The following RHBDD1 variants were observed in gnomAD, a reference collection of about 807,000 sequenced individuals.
RHBDD1 encodes rhomboid domain containing 1.
RHBDD1 carries 38 observed loss-of-function variants against 36.3 expected under a neutral mutation model. The ratio of observed to expected loss-of-function variants is 1.05; its 90% CI spans 0.81 to 1.37. The LOEUF is 1.37. RHBDD1 is among the 40% of genes most tolerant of loss of function. The pLI, the probability that RHBDD1 is intolerant of heterozygous loss-of-function variation, is 0.00. For synonymous variants in RHBDD1, 151 were observed against 136.5 expected (o/e 1.11, Z -0.74); for missense variants, 393 against 377.6 (o/e 1.04, Z -0.34).
At chr2:226,916,375 G>C (rs886378758) in intron 8 of RHBDD1, among the ~76,000 whole-genome samples, 4 of 152,136 alleles carry the variant, frequency 2.6e-5, no homozygotes, top group Non-Finnish European at 4.4e-5. Flanking sequence ...CTGAAATCTG[G>C]GGAAAGGGCC....
chr2:226,808,133 T>C, the RHBDD1 span, among the ~76,000 whole-genome samples: 1 of 152,130 alleles, frequency 6.6e-6, no homozygotes, highest in Non-Finnish European at 1.5e-5. Context: ...CAAGAGATGA[T>C]GGTCATTCGT....
chr2:226,809,490 T>C, the RHBDD1 span, among the ~76,000 whole-genome samples: 1 of 152,224 alleles, frequency 6.6e-6, no homozygotes, highest in Admixed American at 6.5e-5. Context: ...TATTTTATAT[T>C]TCCTAAATAA....
At chr2:226,887,030 A>T (rs752580789) in intron 5 of RHBDD1, among the ~76,000 whole-genome samples, 84 of 152,172 alleles carry the variant, frequency 5.5e-4, no homozygotes, top group Non-Finnish European at 5.9e-4. Flanking sequence ...GGTTTAATTA[A>T]GAAAATTAGA....
intron 7 of RHBDD1, among the ~76,000 whole-genome samples, chr2:226,912,432 G>A (rs867250950): frequency 1.3e-5 from 2 of 152,204 alleles, no homozygotes; most frequent in Middle Eastern, 6.8e-3. Flanking sequence ...ATTCATAACA[G>A]TCAAAAGGTA....
intron 5 of RHBDD1, among the ~76,000 whole-genome samples, chr2:226,905,275 A>G (rs912447084): frequency 1.3e-5 from 2 of 151,966 alleles, no homozygotes; most frequent in Non-Finnish European, 2.9e-5. Flanking sequence ...ACGTGTAAGT[A>G]CTGTGCCACC....
rs138961916 is a variant in RHBDD1, at chr2:226,966,373, T to C, written c.857-29058T>C. On this transcript the variant is annotated intron_variant, in intron 8 of 8. Coordinates refer to ENST00000392062, the MANE Select transcript of RHBDD1 (RefSeq NM_001167608.3). Reference sequence around the variant, plus strand: ...AGAAGGGATCCTCCTAGGGGCCTCCTCAGTAGCCCGAAAGCAACACTGTTC... The same window carrying C: ...AGAAGGGATCCTCCTAGGGGCCTCCCCAGTAGCCCGAAAGCAACACTGTTC... Among the ~76,000 whole-genome samples, 766 of 152,278 alleles carry C rather than the reference T, an allele frequency of 5.0e-3. 5 individuals are homozygous for C. The highest frequency in any genetic ancestry group is 0.018 in the African/African-American group (731 of 41,560).
intron 8 of RHBDD1, among the ~76,000 whole-genome samples, chr2:226,953,165 G>A (rs1282828240): frequency 6.6e-6 from 1 of 152,180 alleles, no homozygotes; most frequent in African/African-American, 2.4e-5. Flanking sequence ...ATTACTGCTT[G>A]TGTTCCTTTC....
intron 8 of RHBDD1, among the ~76,000 whole-genome samples, chr2:226,923,379 G>A (rs532350703): frequency 1.1e-4 from 17 of 152,068 alleles, no homozygotes; most frequent in African/African-American, 3.6e-4. Context: ...ACTGAAGTCC[G>A]CTGTCAGAAC....
At chr2:226,845,879 A>G (rs780396267) in intron 3 of RHBDD1, among the ~76,000 whole-genome samples, 2 of 152,250 alleles carry the variant, frequency 1.3e-5, no homozygotes, top group Non-Finnish European at 2.9e-5. Flanking sequence ...TAATGATGTC[A>G]TAGCCTTGTC....
chr2:226,881,028 C>T (rs1945681945), intron 5 of RHBDD1, among the ~76,000 whole-genome samples: 5 of 152,280 alleles, frequency 3.3e-5, no homozygotes, highest in East Asian at 1.9e-4. Flanking sequence ...GCTCACCATT[C>T]CACATGGCTG....
At chr2:226,932,897 C>G (rs908133124) in intron 8 of RHBDD1, among the ~76,000 whole-genome samples, 6 of 152,082 alleles carry the variant, frequency 3.9e-5, no homozygotes, top group Admixed American at 3.9e-4. Flanking sequence ...TCTCACACTG[C>G]TATGAAGAAA....
At chr2:226,869,144 T>A in intron 5 of RHBDD1, 1 of 984,302 alleles carries the variant, frequency 1.0e-6, no homozygotes, top group Non-Finnish European at 1.2e-6. Flanking sequence ...TTTTTTAGGG[T>A]TCCCCCCAAC....
In RHBDD1 at chr2:226,861,067, C is replaced by T. The variant is rs572946811; in HGVS notation, c.-90-3537C>T. On this transcript the variant is annotated intron_variant, in intron 3 of 8. Coordinates refer to ENST00000392062, the MANE Select transcript of RHBDD1 (RefSeq NM_001167608.3). ...AAGAAGGAATGGCTGAATCATCATT[C>T]TGTGAGAAAGGATAATTCAGTTTTC... is the stretch of plus-strand genomic sequence containing the variant. Among the ~76,000 whole-genome samples the T allele has an allele frequency of 5.9e-5, 9 of 152,282 alleles. 1 individual carries two copies. In the East Asian group the frequency reaches 1.3e-3, roughly 23 times the overall value.
intron 3 of RHBDD1, among the ~76,000 whole-genome samples, chr2:226,852,340 ATGTC>A (rs777399269): frequency 2.0e-5 from 3 of 152,202 alleles, no homozygotes; most frequent in Non-Finnish European, 4.4e-5. Context: ...TTTTATAAAA[ATGTC>A]TGTGTGCAAT....
chr2:226,980,657 C>T (rs1383413930), intron 8 of RHBDD1, among the ~76,000 whole-genome samples: 1 of 152,116 alleles, frequency 6.6e-6, no homozygotes, highest in Non-Finnish European at 1.5e-5. Flanking sequence ...ACCATATAGT[C>T]CTTTCTCTGC....
chr2:226,963,127 C>T (rs185301699), intron 8 of RHBDD1, among the ~76,000 whole-genome samples: 4 of 152,178 alleles, frequency 2.6e-5, no homozygotes, highest in Admixed American at 1.3e-4. Context: ...CCAGTTGTCT[C>T]CTGGGGAGCA....
chr2:226,836,670 C>T (rs1484464811), intron 1 of RHBDD1, among the ~76,000 whole-genome samples: 2 of 152,192 alleles, frequency 1.3e-5, no homozygotes, highest in African/African-American at 4.8e-5. Context: ...TTTGAAGACT[C>T]AGCGTTACTG....
At chr2:226,966,991 G>T (rs1352523317) in intron 8 of RHBDD1, among the ~76,000 whole-genome samples, 1 of 152,058 alleles carries the variant, frequency 6.6e-6, no homozygotes, top group African/African-American at 2.4e-5. Context: ...TAAAATTTGA[G>T]AACCATTGCT....
chr2:226,916,133 C>T (rs1432003582), intron 8 of RHBDD1, among the ~76,000 whole-genome samples: 1 of 152,212 alleles, frequency 6.6e-6, no homozygotes, highest in Non-Finnish European at 1.5e-5. Flanking sequence ...GGCACAATGT[C>T]AGTTCCACTG....
Sources: gnomAD v4.1 joint callset for allele counts (sites outside exome capture counted in the v4.1 genomes callset) on GRCh38, gnomAD v4.1.1 for gene constraint, MANE v1.5 for transcripts, NCBI Gene and HGNC (gene_info 2026-07-23, HGNC 2026-07-21) for gene names.